Variants in ZBTB7C observed in about 807,000 individuals in gnomAD.
ZBTB7C encodes zinc finger and BTB domain containing 7C.
Under a neutral mutation model 25.7 loss-of-function variants are expected in ZBTB7C, and 8 were observed. The observed-to-expected ratio is 0.31, with a 90% CI of 0.18 to 0.56. The LOEUF is 0.56. ZBTB7C is among the 20% of genes least tolerant of loss of function. The pLI, the probability that ZBTB7C is intolerant of heterozygous loss-of-function variation, is 0.91. For synonymous variants in ZBTB7C, 394 were observed against 369.0 expected, an observed-to-expected ratio of 1.07 and a Z score of -0.78; for missense variants, 824 against 855.2, an observed-to-expected ratio of 0.96 and a Z score of 0.46.
intron 2 of ZBTB7C, among the ~76,000 whole-genome samples, chr18:48,316,245 A>G (rs1480175452): frequency 6.6e-6 from 1 of 152,206 alleles, no homozygotes; most frequent in Non-Finnish European, 1.5e-5. Context: ...TTTTGTTTTA[A>G]AGGACTTTGA....
intron 1 of ZBTB7C, among the ~76,000 whole-genome samples, chr18:48,355,561 C>T (rs2046959721): frequency 6.6e-6 from 1 of 152,198 alleles, no homozygotes; most frequent in Non-Finnish European, 1.5e-5. Flanking sequence ...TGCAGACCTG[C>T]TCGGGGCTTC....
intron 1 of ZBTB7C, among the ~76,000 whole-genome samples, chr18:48,386,884 C>T (rs2047761537): frequency 6.6e-6 from 1 of 152,226 alleles, no homozygotes; most frequent in Non-Finnish European, 1.5e-5. Flanking sequence ...TGGAGTCTGT[C>T]CTTTGCCAAA....
intron 2 of ZBTB7C, among the ~76,000 whole-genome samples, chr18:48,337,747 T>G (rs940833733): frequency 6.6e-6 from 1 of 152,222 alleles, no homozygotes; most frequent in Non-Finnish European, 1.5e-5. Flanking sequence ...CACTGAGGTC[T>G]CCAGGTCTAT....
chr18:48,123,612 A>G (rs150148972), intron 3 of ZBTB7C, among the ~76,000 whole-genome samples: 71 of 152,324 alleles, frequency 4.7e-4, no homozygotes, highest in Non-Finnish European at 8.8e-4. Flanking sequence ...AACACTCCTA[A>G]CAAACATCCT....
chr18:48,299,753 C>CTT, intron 2 of ZBTB7C, among the ~76,000 whole-genome samples: 1 of 152,314 alleles, frequency 6.6e-6, no homozygotes. Context: ...TGTGCAAAGG[C>CTT]CCTGTGGGGA....
intron 1 of ZBTB7C, among the ~76,000 whole-genome samples, chr18:48,405,920 T>A (rs28673996): frequency 6.6e-6 from 1 of 150,434 alleles, no homozygotes; most frequent in African/African-American, 2.5e-5. Flanking sequence ...CGGGGTTCAC[T>A]CCGGTACCCT....
intron 1 of ZBTB7C, among the ~76,000 whole-genome samples, chr18:48,352,405 T>C (rs1279485874): frequency 6.6e-6 from 1 of 152,202 alleles, no homozygotes; most frequent in East Asian, 1.9e-4. Context: ...CCAACAGGGC[T>C]TCTTGTCCTA....
chr18:48,231,420 A>G (rs1172633810), intron 2 of ZBTB7C, among the ~76,000 whole-genome samples: 1 of 152,012 alleles, frequency 6.6e-6, no homozygotes, highest in Non-Finnish European at 1.5e-5. Context: ...CTCTACTGAG[A>G]GCTGAGAAAA....
intron 2 of ZBTB7C, among the ~76,000 whole-genome samples, chr18:48,261,375 G>T (rs983711276): frequency 6.6e-6 from 1 of 152,020 alleles, no homozygotes; most frequent in Non-Finnish European, 1.5e-5. Flanking sequence ...AGCTCACACT[G>T]GATCAGCTGT....
At chr18:48,324,212 G>A (rs575008785) in intron 2 of ZBTB7C, among the ~76,000 whole-genome samples, 1 of 152,176 alleles carries the variant, frequency 6.6e-6, no homozygotes, top group Non-Finnish European at 1.5e-5. Context: ...ATGTAAACAG[G>A]GGCCCAACCC....
upstream of ZBTB7C, among the ~76,000 whole-genome samples, chr18:48,412,273 T>G (rs1048446502): frequency 6.6e-6 from 1 of 152,222 alleles, no homozygotes; most frequent in African/African-American, 2.4e-5. Context: ...GATCAAATTT[T>G]TACCTATTTC....
intron 3 of ZBTB7C, among the ~76,000 whole-genome samples, chr18:48,104,804 G>C (rs1452633964): frequency 6.6e-6 from 1 of 152,182 alleles, no homozygotes; most frequent in African/African-American, 2.4e-5. Flanking sequence ...CAGGACATGT[G>C]GGGGTACAAA....
At chr18:48,132,640 A>C (rs1250722143) in intron 3 of ZBTB7C, among the ~76,000 whole-genome samples, 1 of 152,216 alleles carries the variant, frequency 6.6e-6, no homozygotes, top group Non-Finnish European at 1.5e-5. Context: ...ACATTAGAAA[A>C]GTTTCTGTTG....
At chr18:48,047,193 T>C (rs372705854) in intron 3 of ZBTB7C, among the ~76,000 whole-genome samples, 176 of 152,200 alleles carry the variant, frequency 1.2e-3, no homozygotes, top group African/African-American at 4.0e-3. Flanking sequence ...ACCCTAAGAT[T>C]CCCATGCCCT....
intron 1 of ZBTB7C, among the ~76,000 whole-genome samples, chr18:48,343,306 A>G (rs948024269): frequency 5.3e-5 from 8 of 152,326 alleles, no homozygotes; most frequent in Admixed American, 2.0e-4. Flanking sequence ...AGGATTGAGG[A>G]AAAACATCTA....
At chr18:48,174,870 C>T (rs923715500) in intron 3 of ZBTB7C, among the ~76,000 whole-genome samples, 11 of 152,128 alleles carry the variant, frequency 7.2e-5, no homozygotes, top group African/African-American at 2.7e-4. Context: ...AATAAGACAA[C>T]ATATAATTTT....
chr18:48,204,291 C>T (rs11082662), intron 2 of ZBTB7C, among the ~76,000 whole-genome samples: 44,798 of 151,996 alleles, frequency 0.29, 7,078 homozygotes, highest in East Asian at 0.55. Context: ...TCTCTCACTC[C>T]AGCCTCCCTT....
intron 1 of ZBTB7C, among the ~76,000 whole-genome samples, chr18:48,343,334 G>T (rs1486331022): frequency 6.6e-6 from 1 of 151,996 alleles, no homozygotes; most frequent in Non-Finnish European, 1.5e-5. Flanking sequence ...CCCTGTGTTT[G>T]TCCCCACCAT....
chr18:48,036,367 G>A lies in ZBTB7C; in HGVS notation c.1208+3533C>T, dbSNP rs973805798. On this transcript the variant is annotated intron_variant, in intron 4 of 4. Transcript: ENST00000590800. ...CTGCTGAGGTCATTAGTACGTCCCC[G>A]TGGGGTGTGGACATTCTGGGAGCTG... 9.2e-5 allele frequency among the ~76,000 whole-genome samples: 14 copies of A among 152,302 alleles called. 2 individuals carry two copies. Among genetic ancestry groups the A allele is most frequent in the African/African-American group, 2.9e-4 (12 of 41,558 alleles).
Sources: gnomAD v4.1 joint callset for allele counts (sites outside exome capture counted in the v4.1 genomes callset) on GRCh38, gnomAD v4.1.1 for gene constraint, MANE v1.5 for transcripts, NCBI Gene and HGNC (gene_info 2026-07-23, HGNC 2026-07-21) for gene names.